Variants in STXBP4 observed in about 807,000 individuals in gnomAD.
STXBP4 encodes the protein syntaxin-binding protein 4.
In STXBP4, 55 loss-of-function variants were observed where a neutral mutation model predicts 76.1. The observed-to-expected ratio is 0.72, with a 90% CI of 0.58 to 0.91. STXBP4 has a LOEUF of 0.91. Ranked by LOEUF, STXBP4 falls within the 40% of genes least tolerant of loss-of-function variation. STXBP4 has a pLI of 0.00. For synonymous variants in STXBP4, 201 were observed against 220.2 expected (o/e 0.91, Z 0.77); for missense variants, 618 against 636.9 (o/e 0.97, Z 0.32).
Position 55,166,199 on chromosome 17 carries a change from G to A in STXBP4, c.*6288G>A, listed in dbSNP as rs1733801063. On this transcript the variant is annotated 3_prime_UTR_variant, in exon 18 of 18. Transcript: ENST00000376352. ...CGATTTACCTAATTGGTGAGTTTAG[G>A]ATTAAAAAAAGGAATACATCCTAGA... 1 of 151,908 alleles carries A rather than the reference G, an allele frequency of 6.6e-6. No homozygotes were observed. Among genetic ancestry groups the A allele is most frequent in the African/African-American group, 2.4e-5 (1 of 41,358 alleles). 9.4% of individuals were successfully genotyped at this position (151,908 alleles called of 1,614,324 possible).
intron 16 of STXBP4, among the ~76,000 whole-genome samples, chr17:55,119,792 T>C (rs897868318): frequency 5.9e-5 from 9 of 152,192 alleles, no homozygotes; most frequent in African/African-American, 2.2e-4. Flanking sequence ...TAAGTTATCA[T>C]TGAATAAATG....
At chr17:55,062,913 A>T (rs2061505677) in intron 12 of STXBP4, among the ~76,000 whole-genome samples, 1 of 152,258 alleles carries the variant, frequency 6.6e-6, no homozygotes, top group African/African-American at 2.4e-5. Flanking sequence ...GATTTTTAAA[A>T]ATCTCTTTGA....
chr17:55,199,336 GA>G, the STXBP4 span, among the ~76,000 whole-genome samples: 10 of 151,974 alleles, frequency 6.6e-5, no homozygotes, highest in Non-Finnish European at 1.2e-4. Context: ...GAATGTTTTA[GA>G]AAAAAAATTA....
the STXBP4 span, among the ~76,000 whole-genome samples, chr17:55,211,020 A>C: frequency 2.0e-5 from 3 of 152,140 alleles, no homozygotes; most frequent in Non-Finnish European, 4.4e-5. Flanking sequence ...TATGTCTTTA[A>C]ACTCTTAGAA....
the STXBP4 span, among the ~76,000 whole-genome samples, chr17:55,191,830 G>A: frequency 6.6e-6 from 1 of 152,148 alleles, no homozygotes; most frequent in Non-Finnish European, 1.5e-5. Context: ...TAAGAGCTCA[G>A]TCAAACAAGG....
intron 9 of STXBP4, among the ~76,000 whole-genome samples, chr17:55,031,878 A>G (rs1159038418): frequency 1.3e-5 from 2 of 152,164 alleles, no homozygotes; most frequent in African/African-American, 2.4e-5. Flanking sequence ...GTTCAAGCCT[A>G]TGTTGTTCAG....
At chr17:55,121,835 C>T (rs2079846991) in intron 16 of STXBP4, among the ~76,000 whole-genome samples, 1 of 151,946 alleles carries the variant, frequency 6.6e-6, no homozygotes, top group Non-Finnish European at 1.5e-5. Flanking sequence ...CTGGGACCAC[C>T]TCTTGTTCTT....
At chr17:55,135,327 C>T (rs757150408) in intron 16 of STXBP4, among the ~76,000 whole-genome samples, 1 of 151,940 alleles carries the variant, frequency 6.6e-6, no homozygotes, top group Non-Finnish European at 1.5e-5. Flanking sequence ...TTGGGATGCA[C>T]AAAATATGTA....
rs1487726809 is a variant in STXBP4, at chr17:55,163,977, A to G, written c.*4066A>G. 1 of 152,660 alleles carries G rather than the reference A, an allele frequency of 6.6e-6. No homozygotes were observed. Among genetic ancestry groups the G allele is most frequent in the Non-Finnish European group, 1.5e-5 (1 of 68,026 alleles). 9.5% of individuals were successfully genotyped at this position (152,660 alleles called of 1,614,324 possible). A position where few individuals can be genotyped will look rare whatever the true frequency, so the allele number is the denominator to read the frequency against. On this transcript the variant is annotated 3_prime_UTR_variant, in exon 18 of 18. Transcript: ENST00000376352. ...TCCTTTTTCTCGGGAGAAATGGGAC[A>G]TTTTTATTTTCTCTGCTAAGTGAAA...
At chr17:55,182,162 CAA>C in the STXBP4 span, among the ~76,000 whole-genome samples, 111,834 of 151,504 alleles carry the variant, frequency 0.74, 41,923 homozygotes, top group Non-Finnish European at 0.82. Context: ...AGGCAAGAAT[CAA>C]GAGAAAACAG....
the STXBP4 span, among the ~76,000 whole-genome samples, chr17:55,198,510 A>G: frequency 6.6e-6 from 1 of 152,216 alleles, no homozygotes; most frequent in African/African-American, 2.4e-5. Flanking sequence ...AGAGATTCTC[A>G]ACTAGGGGTG....
chr17:55,068,283 C>A (rs1300858760), intron 12 of STXBP4, among the ~76,000 whole-genome samples: 2 of 152,076 alleles, frequency 1.3e-5, no homozygotes, highest in Non-Finnish European at 2.9e-5. Context: ...GGTTACATTG[C>A]ACAAAAACAT....
intron 16 of STXBP4, among the ~76,000 whole-genome samples, chr17:55,118,137 C>T (rs2079803977): frequency 6.6e-6 from 1 of 151,900 alleles, no homozygotes; most frequent in Non-Finnish European, 1.5e-5. Context: ...CTTTATAGAG[C>T]TTATGATTTA....
intron 8 of STXBP4, among the ~76,000 whole-genome samples, chr17:55,017,018 G>A (rs2078220485): frequency 6.6e-6 from 1 of 152,078 alleles, no homozygotes. Context: ...GGTTGTCAGT[G>A]GTCTCAGTAT....
downstream of STXBP4, among the ~76,000 whole-genome samples, chr17:55,176,581 G>A (rs1211626521): frequency 6.6e-6 from 1 of 152,118 alleles, no homozygotes; most frequent in Non-Finnish European, 1.5e-5. Context: ...TAAGAGTAAG[G>A]GTGAGGCACA....
At chr17:55,010,815 A>G (rs960035005) in intron 8 of STXBP4, among the ~76,000 whole-genome samples, 1 of 152,192 alleles carries the variant, frequency 6.6e-6, no homozygotes, top group African/African-American at 2.4e-5. Context: ...TGTGACTAAT[A>G]TTGTAACAAA....
At position 55,078,722 on chromosome 17, in the gene STXBP4, T is replaced by G; in HGVS notation, c.1342T>G (p.Leu448Val). The change falls in exon 15 of 18, where the codon TTA becomes GTA. Residue 448 changes from leucine (L) to valine (V), a missense_variant. Coordinates refer to ENST00000376352, the MANE Select transcript of STXBP4 (RefSeq NM_178509.6). Reference sequence around the variant, plus strand: ...AGTATTTTCTGATAATTCTACTCCTTTATCAAATTTAAGGTAAGAAAATTT... The same window carrying G: ...AGTATTTTCTGATAATTCTACTCCTGTATCAAATTTAAGGTAAGAAAATTT... ...QEVFSDNSTP[L>V]SNLSERRAVL... The G allele has an allele frequency of 6.4e-7, 1 of 1,554,662 alleles. No individual in the cohort carries two copies. Among genetic ancestry groups the G allele is most frequent in the Non-Finnish European group, 8.9e-7 (1 of 1,127,982 alleles).
At chr17:55,132,383 G>T (rs557883819) in intron 16 of STXBP4, among the ~76,000 whole-genome samples, 12 of 152,156 alleles carry the variant, frequency 7.9e-5, no homozygotes, top group African/African-American at 2.4e-4. Flanking sequence ...TAGAGACGGG[G>T]TTTCACCATG....
chr17:55,199,525 T>C, the STXBP4 span, among the ~76,000 whole-genome samples: 151 of 152,340 alleles, frequency 9.9e-4, no homozygotes, highest in African/African-American at 3.3e-3. Context: ...AAATGGAAGA[T>C]GGAGTGACCT....
Sources: gnomAD v4.1 joint callset for allele counts (sites outside exome capture counted in the v4.1 genomes callset) on GRCh38, gnomAD v4.1.1 for gene constraint, MANE v1.5 for transcripts, NCBI Gene and HGNC (gene_info 2026-07-23, HGNC 2026-07-21) for gene names.